Variants in SARDH observed in about 807,000 individuals in gnomAD.
SARDH encodes sarcosine dehydrogenase.
In SARDH, 95 loss-of-function variants were observed where a neutral mutation model predicts 109.1. The observed-to-expected ratio is 0.87, with a 90% confidence interval of 0.74 to 1.03. SARDH has a LOEUF of 1.03. Ranked by LOEUF, SARDH falls within the 50% of genes least tolerant of loss-of-function variation. The pLI is 0.00. For missense variants in SARDH, 1,267 were observed against 1,287.8 expected, an observed-to-expected ratio of 0.98 and a Z score of 0.25; for synonymous variants, 572 against 534.8, an observed-to-expected ratio of 1.07 and a Z score of -0.96.
At chr9:133,721,351 T>C (rs543915236) in intron 6 of SARDH, among the ~76,000 whole-genome samples, 11 of 152,354 alleles carry the variant, frequency 7.2e-5, no homozygotes, top group Admixed American at 2.0e-4. Context: ...CACAGAATTC[T>C]AGATCCTGTC....
At chr9:133,687,785 G>C (rs369914019) in intron 16 of SARDH, among the ~76,000 whole-genome samples, 7 of 152,332 alleles carry the variant, frequency 4.6e-5, no homozygotes, top group African/African-American at 1.7e-4. Context: ...TGCTGAGCAC[G>C]TCCTGAATAA....
In SARDH at chr9:133,704,079, C is replaced by T. The variant is rs1831595832; in HGVS notation, c.1554+869G>A. On this transcript the variant is annotated intron_variant, in intron 12 of 20. Transcript: ENST00000439388. This position sits in a 1 kb window ranked among gnomAD's most constrained non-coding sequence, Gnocchi z 4.5. ...AGGGTCTGCCCAGACCCCTCCTCCCCGCAGGGTTCATGAGGACGGCATGTC... is the reference window on the plus strand; with the variant it reads ...AGGGTCTGCCCAGACCCCTCCTCCCTGCAGGGTTCATGAGGACGGCATGTC... Among the ~76,000 whole-genome samples the T allele has an allele frequency of 6.6e-6, 1 of 152,222 alleles. No individual in the cohort carries two copies. Among genetic ancestry groups the T allele is most frequent in the South Asian group, 2.1e-4 (1 of 4,822 alleles).
chr9:133,670,397 A>T (rs1830299463), intron 19 of SARDH, among the ~76,000 whole-genome samples, 187 bp downstream of exon 19: 1 of 151,614 alleles, frequency 6.6e-6, no homozygotes, highest in African/African-American at 2.4e-5. Flanking sequence ...TGACCTGGCC[A>T]GATGGCCTCT....
At chr9:133,698,831 CATAA>C (rs571648332) in intron 13 of SARDH, among the ~76,000 whole-genome samples, 1 of 152,164 alleles carries the variant, frequency 6.6e-6, no homozygotes, top group Non-Finnish European at 1.5e-5. Context: ...TAGAAGAAAA[CATAA>C]ATGTTTTTTA....
At chr9:133,665,452 T>C (rs911093421) in intron 20 of SARDH, among the ~76,000 whole-genome samples, 1 of 152,066 alleles carries the variant, frequency 6.6e-6, no homozygotes. Context: ...AATCCCCACA[T>C]ATTAAGACTC....
intron 18 of SARDH, among the ~76,000 whole-genome samples, chr9:133,671,100 G>A (rs1020189405): frequency 3.9e-5 from 6 of 152,146 alleles, no homozygotes; most frequent in African/African-American, 1.2e-4. Flanking sequence ...CTGGGGAACC[G>A]CCCAAAGCCC....
chr9:133,739,745 G>C (rs1328826306), upstream of SARDH: 1 of 152,376 alleles, frequency 6.6e-6, no homozygotes, highest in East Asian at 1.9e-4. Context: ...GGATGGTGTG[G>C]CTTGCCCAGT....
intron 17 of SARDH, among the ~76,000 whole-genome samples, chr9:133,681,178 G>A (rs914433135): frequency 6.6e-6 from 1 of 152,238 alleles, no homozygotes; most frequent in Non-Finnish European, 1.5e-5. Flanking sequence ...GGGCTGGGAG[G>A]TGTCAGGATG....
intron 14 of SARDH, 40 bp downstream of exon 14, chr9:133,696,183 G>A: frequency 1.9e-6 from 3 of 1,609,650 alleles, no homozygotes; most frequent in Non-Finnish European, 2.5e-6. Flanking sequence ...CTGTGCCCAT[G>A]GAGTGACAGG....
chr9:133,694,269 G>A lies in SARDH; in HGVS notation c.1910C>T (p.Pro637Leu). 5 of 1,548,806 alleles carry A rather than the reference G, an allele frequency of 3.2e-6. No individual in the cohort carries two copies. Among genetic ancestry groups the A allele is most frequent in the Non-Finnish European group, 4.4e-6 (5 of 1,145,506 alleles). The change falls in exon 15 of 21, where the codon CCC becomes CTC. Residue 637 changes from proline to leucine, a missense_variant. Coordinates refer to ENST00000439388, the MANE Select transcript of SARDH (RefSeq NM_001134707.2). ...APSHQASPLA[P>L]AFEGDGYYLA... ...GAGGCATCCCATACCTTCAAAGGCGGGGGCCAGCGGGGAGGCCTGGTGGCT... is the reference window on the plus strand; with the variant it reads ...GAGGCATCCCATACCTTCAAAGGCGAGGGCCAGCGGGGAGGCCTGGTGGCT...
chr9:133,667,807 G>A (rs1431048099), intron 19 of SARDH, among the ~76,000 whole-genome samples: 1 of 152,124 alleles, frequency 6.6e-6, no homozygotes, highest in Non-Finnish European at 1.5e-5. Context: ...AGGCTGGAAG[G>A]AGGTTTCGTA....
chr9:133,710,583 G>A (rs1831880584), intron 10 of SARDH, among the ~76,000 whole-genome samples: 1 of 152,214 alleles, frequency 6.6e-6, no homozygotes, highest in Non-Finnish European at 1.5e-5. Flanking sequence ...CTGAGCAGGG[G>A]AGAGCTCCGT....
At chr9:133,731,224 T>C in intron 4 of SARDH, 81 bp downstream of exon 4, 1 of 1,535,636 alleles carries the variant, frequency 6.5e-7, no homozygotes, top group South Asian at 1.2e-5. Context: ...GCTCTTGTTC[T>C]CTTCCCTTCT....
chr9:133,688,209 A>C (rs759419506), intron 16 of SARDH, among the ~76,000 whole-genome samples: 1 of 152,176 alleles, frequency 6.6e-6, no homozygotes, highest in Admixed American at 6.5e-5. Flanking sequence ...AGCACACAGC[A>C]TCGCGGCTGC....
chr9:133,726,368 A>AAATAATAATAATAATAATAAT (rs547588474), intron 6 of SARDH, among the ~76,000 whole-genome samples: 8,292 of 113,922 alleles, frequency 0.073, 419 homozygotes, highest in Non-Finnish European at 0.081. Flanking sequence ...ACCCTGTCTC[A>AAATAATAATAATAATAATAAT]AATAATAATA....
At chr9:133,685,585 C>G (rs1357932875) in intron 16 of SARDH, among the ~76,000 whole-genome samples, 1 of 152,156 alleles carries the variant, frequency 6.6e-6, no homozygotes. Flanking sequence ...GAGTGGTTAT[C>G]TAACCATAGA....
intron 13 of SARDH, among the ~76,000 whole-genome samples, chr9:133,699,493 C>T (rs1043422286): frequency 7.9e-5 from 12 of 151,826 alleles, no homozygotes; most frequent in African/African-American, 2.2e-4. Flanking sequence ...GCAACAAGAG[C>T]GAAACCCTGT....
chr9:133,719,541 G>A (rs532532828), intron 6 of SARDH, among the ~76,000 whole-genome samples: 21 of 152,234 alleles, frequency 1.4e-4, no homozygotes, highest in Admixed American at 5.2e-4. Flanking sequence ...TCTTCAGGGG[G>A]TGATGCGCTT....
At chr9:133,703,103 G>A (rs1831554045) in intron 12 of SARDH, 74 bp from the exon 13 acceptor site, 4 of 1,338,822 alleles carry the variant, frequency 3.0e-6, no homozygotes, top group Middle Eastern at 2.0e-4. Flanking sequence ...GCGGGGTCCC[G>A]CTGAGGCTGT....
Sources: gnomAD v4.1 joint callset for allele counts (sites outside exome capture counted in the v4.1 genomes callset) on GRCh38, gnomAD v4.1.1 for gene constraint, Gnocchi (gnomAD v3.1) non-coding constraint, MANE v1.5 for transcripts, NCBI Gene and HGNC (gene_info 2026-07-23, HGNC 2026-07-21) for gene names.